Variants in RANBP2 observed in about 807,000 individuals in gnomAD.
The protein encoded by RANBP2 is RAN binding protein 2, also known as E3 SUMO-protein ligase RanBP2.
RANBP2 carries 57 observed loss-of-function variants against 303.6 expected under a neutral mutation model. The ratio of observed to expected loss-of-function variants is 0.19; its 90% CI spans 0.15 to 0.23. RANBP2 has a LOEUF of 0.23. Among genes scored for constraint, RANBP2 ranks in the 10% least tolerant of loss-of-function variants. The pLI is 1.00. For synonymous variants in RANBP2, 1,167 were observed against 1,301.5 expected (o/e 0.90, Z 2.23); for missense variants, 3,138 against 3,780.8 (o/e 0.83, Z 4.46).
At chr2:109,549,501 T>C in the RANBP2 span, among the ~76,000 whole-genome samples, 1 of 152,202 alleles carries the variant, frequency 6.6e-6, no homozygotes, top group Non-Finnish European at 1.5e-5. Context: ...TCCATACACA[T>C]GAAGCATGCA....
At chr2:109,263,042 C>T in the RANBP2 span, among the ~76,000 whole-genome samples, 1 of 152,038 alleles carries the variant, frequency 6.6e-6, no homozygotes, top group East Asian at 1.9e-4. Context: ...GACAGGGTTT[C>T]ACCATATTGG....
At chr2:109,619,778 T>C in the RANBP2 span, among the ~76,000 whole-genome samples, 2 of 152,248 alleles carry the variant, frequency 1.3e-5, no homozygotes, top group African/African-American at 2.4e-5. Flanking sequence ...TTATTTTTAT[T>C]TTGCTAAGTA....
chr2:108,987,081 G>T, the RANBP2 span, among the ~76,000 whole-genome samples: 5 of 152,210 alleles, frequency 3.3e-5, no homozygotes, highest in Admixed American at 6.5e-5. Flanking sequence ...GCCCAGCTGA[G>T]GGGCTGAGCC....
chr2:109,126,414 C>CACGG, the RANBP2 span, among the ~76,000 whole-genome samples: 1 of 152,176 alleles, frequency 6.6e-6, no homozygotes, highest in African/African-American at 2.4e-5. Flanking sequence ...GACTGCCCAG[C>CACGG]ACGGCAATTC....
At chr2:109,392,142 A>G in the RANBP2 span, among the ~76,000 whole-genome samples, 1 of 152,224 alleles carries the variant, frequency 6.6e-6, no homozygotes, top group Non-Finnish European at 1.5e-5. Context: ...TTAAAGACCC[A>G]CATTTGAATC....
At chr2:109,257,675 C>T in the RANBP2 span, among the ~76,000 whole-genome samples, 3 of 152,162 alleles carry the variant, frequency 2.0e-5, 1 homozygote, top group East Asian at 5.8e-4. Flanking sequence ...TTCAGGGAAG[C>T]CACTGACACG....
At chr2:108,899,988 A>AAAG in the RANBP2 span, among the ~76,000 whole-genome samples, 1 of 152,074 alleles carries the variant, frequency 6.6e-6, no homozygotes, top group Non-Finnish European at 1.5e-5. Context: ...TCCATGTCAA[A>AAAG]AATAATAATA....
At chr2:108,949,002 A>G in the RANBP2 span, among the ~76,000 whole-genome samples, 1 of 152,176 alleles carries the variant, frequency 6.6e-6, no homozygotes, top group Non-Finnish European at 1.5e-5. Flanking sequence ...TTTTAGGCAG[A>G]GTCTCACTCT....
the RANBP2 span, among the ~76,000 whole-genome samples, chr2:109,640,616 C>T: frequency 3.9e-5 from 6 of 152,092 alleles, no homozygotes; most frequent in Admixed American, 6.6e-5. Context: ...CTGAGGGCCT[C>T]GCGGGACTGC....
chr2:109,120,746 G>C, the RANBP2 span, among the ~76,000 whole-genome samples: 2 of 150,898 alleles, frequency 1.3e-5, no homozygotes, highest in Admixed American at 1.3e-4. Context: ...CCACCGCTCA[G>C]CTTTGTATAC....
chr2:108,777,424 T>C (rs2149317057), intron 25 of RANBP2, among the ~76,000 whole-genome samples, 193 bp downstream of exon 25: 1 of 151,650 alleles, frequency 6.6e-6, no homozygotes, highest in South Asian at 2.1e-4. Context: ...GAATTTTCTC[T>C]TAATTTTATA....
At chr2:108,887,620 TA>T in the RANBP2 span, among the ~76,000 whole-genome samples, 2 of 152,198 alleles carry the variant, frequency 1.3e-5, no homozygotes, top group African/African-American at 4.8e-5. Context: ...CTAGGTATTT[TA>T]TTTTATTTTT....
chr2:108,997,456 A>AAAAG, the RANBP2 span, among the ~76,000 whole-genome samples: 5 of 148,384 alleles, frequency 3.4e-5, no homozygotes, highest in Non-Finnish European at 7.4e-5. Flanking sequence ...AAAAAAAAAA[A>AAAAG]AAAAAAAGAT....
chr2:109,615,983 G>C, the RANBP2 span: 84 of 1,555,686 alleles, frequency 5.4e-5, no homozygotes, highest in African/African-American at 1.0e-3. Context: ...TGGAGGGCAG[G>C]GGGGAGGAGG....
chr2:109,242,841 G>A, the RANBP2 span, among the ~76,000 whole-genome samples: 1 of 152,168 alleles, frequency 6.6e-6, no homozygotes, highest in Non-Finnish European at 1.5e-5. Flanking sequence ...GAGCAATAGG[G>A]CCTTTTTCTT....
At chr2:109,313,294 A>C in the RANBP2 span, among the ~76,000 whole-genome samples, 5 of 152,212 alleles carry the variant, frequency 3.3e-5, no homozygotes, top group African/African-American at 9.6e-5. Flanking sequence ...CCTGCTGTAC[A>C]TCCATCCCAA....
In RANBP2 at chr2:108,785,247, A is replaced by G. The variant is rs1407547063; in HGVS notation, c.*1346A>G. On this transcript the variant is annotated 3_prime_UTR_variant, in exon 29 of 29. Coordinates refer to ENST00000283195, the MANE Select transcript of RANBP2 (RefSeq NM_006267.5). ...TTGTGCGAGTAATGAGTGATGGTAT[A>G]CCATCACCATTCCACTCGGCCACAA... 6.6e-6 allele frequency: 1 copy of G among 152,194 alleles called. No homozygotes were observed. Among genetic ancestry groups the G allele is most frequent in the East Asian group, 1.9e-4 (1 of 5,192 alleles). 9.4% of individuals were successfully genotyped at this position (152,194 alleles called of 1,614,324 possible).
At chr2:109,480,057 A>G in the RANBP2 span, among the ~76,000 whole-genome samples, 3 of 152,230 alleles carry the variant, frequency 2.0e-5, no homozygotes, top group Non-Finnish European at 2.9e-5. Flanking sequence ...ACAATTGTCT[A>G]GAGGAAAGGA....
At chr2:109,716,572 G>T in the RANBP2 span, among the ~76,000 whole-genome samples, 1 of 151,164 alleles carries the variant, frequency 6.6e-6, no homozygotes, top group Non-Finnish European at 1.5e-5. Context: ...TTGAGACAGG[G>T]TCTCACTCTA....
Sources: gnomAD v4.1 joint callset for allele counts (sites outside exome capture counted in the v4.1 genomes callset) on GRCh38, gnomAD v4.1.1 for gene constraint, MANE v1.5 for transcripts, NCBI Gene and HGNC (gene_info 2026-07-23, HGNC 2026-07-21) for gene names.